NCOR1: variants seen among roughly 807,000 people sequenced by gnomAD.
The protein encoded by NCOR1 is nuclear receptor corepressor 1, also known as protein phosphatase 1, regulatory subunit 109.
Under a neutral mutation model 288.1 loss-of-function variants are expected in NCOR1, and 63 were observed. That is an observed-to-expected ratio of 0.22 (90% CI 0.18 to 0.27). The LOEUF (loss-of-function observed/expected upper bound fraction) is 0.27, where lower values mean the gene tolerates loss of function less well. Ranked by LOEUF, NCOR1 falls within the 10% of genes least tolerant of loss-of-function variation. The pLI, the probability that NCOR1 is intolerant of heterozygous loss-of-function variation, is 1.00. For synonymous variants in NCOR1, 1,007 were observed against 1,065.9 expected, an observed-to-expected ratio of 0.94 and a Z score of 1.08; for missense variants, 2,397 against 3,019.2, an observed-to-expected ratio of 0.79 and a Z score of 4.83.
At chr17:16,034,742 C>G in intron 45 of NCOR1, 23 bp downstream of exon 45, 3 of 1,577,822 alleles carry the variant, frequency 1.9e-6, no homozygotes, top group Non-Finnish European at 2.6e-6. Flanking sequence ...GTCTCATTTT[C>G]TAAGTTAAAG....
At position 16,070,439 on chromosome 17, in the gene NCOR1, T is replaced by C. The variant is rs759408580; in HGVS notation, c.4239A>G (p.Leu1413=). The C allele has an allele frequency of 8.7e-6, 14 of 1,614,096 alleles. No individual in the cohort carries two copies. In the South Asian group the frequency reaches 1.4e-4, roughly 16 times the overall value. The change falls in exon 31 of 46, where the codon CTA becomes CTG. Residue 1413 remains leucine, a synonymous_variant. Coordinates refer to ENST00000268712, the MANE Select transcript of NCOR1 (RefSeq NM_006311.4). ...VKSLITGPSK[L]SRGMPPLEIV... ...TTTCCAGCGGAGGCATTCCACGGGA[T>C]AGTTTGCTAGGCCCCGTGATTAAGG... is the stretch of plus-strand genomic sequence containing the variant.
chr17:16,184,532 G>A (rs770507191), intron 3 of NCOR1, among the ~76,000 whole-genome samples: 8 of 152,086 alleles, frequency 5.3e-5, no homozygotes, highest in Admixed American at 1.3e-4. Flanking sequence ...CACCCATTAG[G>A]ATGCCTATTA....
In NCOR1 at chr17:16,126,055, T is replaced by G. The variant is rs1007042639; in HGVS notation, c.1634+27A>C. On this transcript the variant is annotated intron_variant, in intron 15 of 45. Coordinates refer to ENST00000268712, the MANE Select transcript of NCOR1 (RefSeq NM_006311.4). ...ATAAAATAAAAATAAACATTTAACTTATTATATAACTAATTATTTAACTCA... is the reference window on the plus strand; with the variant it reads ...ATAAAATAAAAATAAACATTTAACTGATTATATAACTAATTATTTAACTCA... 2.9e-6 allele frequency: 3 copies of G among 1,041,514 alleles called. No individual in the cohort carries two copies. In the African/African-American group the frequency reaches 4.9e-5, roughly 17 times the overall value. 64.5% of individuals were successfully genotyped at this position (1,041,514 alleles called of 1,614,324 possible). A position where few individuals can be genotyped will look rare whatever the true frequency, so the allele number is the denominator to read the frequency against.
Position 16,126,142 on chromosome 17 carries a change from G to GT in NCOR1, c.1573dup (p.Thr525AsnfsTer11). ...TTTCTTTTCTTCTTCTTTTTTTTCTGTTTTTTCTGCTTTATCCTCTTCTTT... is the reference window on the plus strand; with the variant it reads ...TTTCTTTTCTTCTTCTTTTTTTTCTGTTTTTTTCTGCTTTATCCTCTTCTTT... On this transcript the variant is annotated frameshift_variant, in exon 15 of 46. Coordinates refer to ENST00000268712, the MANE Select transcript of NCOR1 (RefSeq NM_006311.4). LOFTEE classifies it high-confidence loss of function. 1 of 1,539,858 alleles carries GT rather than the reference G, an allele frequency of 6.5e-7. No individual in the cohort carries two copies. The highest frequency in any genetic ancestry group is 8.8e-7 in the Non-Finnish European group (1 of 1,140,992).
At chr17:16,080,771 G>A in intron 23 of NCOR1, 44 bp from the exon 24 acceptor site, 1 of 1,539,512 alleles carries the variant, frequency 6.5e-7, no homozygotes, top group Non-Finnish European at 8.8e-7. Context: ...AGCAAACATT[G>A]TTTTTTTCAC....
At chr17:16,054,809 G>A (rs766135412) in intron 40 of NCOR1, among the ~76,000 whole-genome samples, 6 of 152,126 alleles carry the variant, frequency 3.9e-5, no homozygotes, top group Non-Finnish European at 8.8e-5. Context: ...GCAGGAGCCT[G>A]TAATCCTAGC....
At position 16,127,127 on chromosome 17, in the gene NCOR1, ATG is replaced by A. The variant is rs1166107051; in HGVS notation, c.1510-923_1510-922del. On this transcript the variant is annotated intron_variant, in intron 14 of 45. Coordinates refer to ENST00000268712, the MANE Select transcript of NCOR1 (RefSeq NM_006311.4). Reference sequence around the variant, plus strand: ...TGTGTGTGTATATGTATATATCTGTATGTATATATACATGTATGTATATATCT... The same window carrying A: ...TGTGTGTGTATATGTATATATCTGTATATATATACATGTATGTATATATCT... Among the ~76,000 whole-genome samples, 13 of 131,562 alleles carry A rather than the reference ATG, an allele frequency of 9.9e-5. 4 individuals are homozygous for A. The highest frequency in any genetic ancestry group is 2.0e-4 in the Non-Finnish European group (13 of 64,198). 86.3% of individuals were successfully genotyped at this position (131,562 alleles called of 152,430 possible).
intron 21 of NCOR1, among the ~76,000 whole-genome samples, chr17:16,094,828 A>G (rs2066071458): frequency 6.6e-6 from 1 of 152,150 alleles, no homozygotes; most frequent in African/African-American, 2.4e-5. Context: ...CGGCATTCTG[A>G]GGTGCCGGGA....
At chr17:16,112,767 G>A (rs905517750) in intron 18 of NCOR1, among the ~76,000 whole-genome samples, 1 of 152,156 alleles carries the variant, frequency 6.6e-6, no homozygotes, top group African/African-American at 2.4e-5. Context: ...GGGATTAAAG[G>A]CGTGAGCCAC....
At chr17:16,083,202 C>T (rs2063664366) in intron 23 of NCOR1, among the ~76,000 whole-genome samples, 1 of 151,356 alleles carries the variant, frequency 6.6e-6, no homozygotes, top group African/African-American at 2.4e-5. Context: ...CACTGCACTC[C>T]AGCCTGGGCA....
chr17:16,157,263 G>C (rs968080308), intron 6 of NCOR1, among the ~76,000 whole-genome samples: 1 of 152,126 alleles, frequency 6.6e-6, no homozygotes, highest in East Asian at 1.9e-4. Context: ...TCCTTTACTG[G>C]ATTTATCTTC....
At chr17:16,175,600 T>C (rs1251115207) in intron 3 of NCOR1, among the ~76,000 whole-genome samples, 1 of 152,156 alleles carries the variant, frequency 6.6e-6, no homozygotes, top group African/African-American at 2.4e-5. Flanking sequence ...AATTTTCCTG[T>C]GCCCTGGTTG....
In NCOR1 at chr17:16,030,290, G is replaced by T; in HGVS notation, c.*2006C>A. The T allele has an allele frequency of 4.4e-6, 1 of 224,992 alleles. No homozygotes were observed. The highest frequency in any genetic ancestry group is 8.8e-6 in the Non-Finnish European group (1 of 113,030). The allele number at this position is 224,992 out of a possible 1,614,324, so 13.9% of individuals were successfully genotyped here. ...CTGAGGATGAGAAGGGGTTGGTCTTGCTATCTTGGGTGGCAGAGGTGGAAG... is the reference window on the plus strand; with the variant it reads ...CTGAGGATGAGAAGGGGTTGGTCTTTCTATCTTGGGTGGCAGAGGTGGAAG... On this transcript the variant is annotated 3_prime_UTR_variant, in exon 46 of 46. Transcript: ENST00000268712.
intron 11 of NCOR1, among the ~76,000 whole-genome samples, chr17:16,140,695 T>C (rs537207312): frequency 1.3e-5 from 2 of 152,214 alleles, no homozygotes; most frequent in African/African-American, 4.8e-5. Flanking sequence ...GTGCCTGTAG[T>C]CCCTGCTACT....
At position 16,061,480 on chromosome 17, in the gene NCOR1, G is replaced by A. The variant is rs1163146282; in HGVS notation, c.5802C>T (p.Asp1934=). ...AGGCAATTTGCCGGGTGATGATCAC[G>A]TCTATGAAGTTAGCTGCAGTAATGG... ...KTTITAANFI[D]VIITRQIASD... is the part of the protein sequence containing the mutation. Residue 1934 remains aspartate (D), a synonymous_variant, in exon 37 of 46, where the codon GAC becomes GAT. Coordinates refer to ENST00000268712, the MANE Select transcript of NCOR1 (RefSeq NM_006311.4). The A allele has an allele frequency of 2.5e-6, 4 of 1,614,222 alleles. No individual in the cohort carries two copies. Among genetic ancestry groups the A allele is most frequent in the East Asian group, 4.5e-5 (2 of 44,890 alleles).
chr17:16,113,562 C>A (rs927433229), intron 18 of NCOR1, among the ~76,000 whole-genome samples: 7 of 152,112 alleles, frequency 4.6e-5, no homozygotes, highest in Non-Finnish European at 8.8e-5. Flanking sequence ...AATATGAAAT[C>A]TTATACCATA....
chr17:16,117,531 A>C (rs1045730618), intron 18 of NCOR1, among the ~76,000 whole-genome samples: 14 of 151,420 alleles, frequency 9.2e-5, no homozygotes, highest in Non-Finnish European at 1.0e-4. Context: ...AAAAAAAAAA[A>C]AAACATCAAG....
In NCOR1 at chr17:16,098,349, C is replaced by T. The variant is rs1471777772; in HGVS notation, c.2820+18G>A. ...CAGTTTTTCATATTTAGTTTTCTTCCTCACAATAAAAACTTACCATTGGTG... is the reference window on the plus strand; with the variant it reads ...CAGTTTTTCATATTTAGTTTTCTTCTTCACAATAAAAACTTACCATTGGTG... On this transcript the variant is annotated intron_variant, in intron 21 of 45. Coordinates refer to ENST00000268712, the MANE Select transcript of NCOR1 (RefSeq NM_006311.4). 2 of 1,609,462 alleles carry T rather than the reference C, an allele frequency of 1.2e-6. No homozygotes were observed. Among genetic ancestry groups the T allele is most frequent in the Non-Finnish European group, 1.7e-6 (2 of 1,178,760 alleles).
chr17:16,152,443 GGT>G (rs2079026216), intron 7 of NCOR1, among the ~76,000 whole-genome samples: 1 of 152,076 alleles, frequency 6.6e-6, no homozygotes, highest in East Asian at 1.9e-4. Context: ...TCAGAATGAT[GGT>G]TTCCAGCTTC....
Sources: allele counts gnomAD v4.1 joint callset (sites outside exome capture counted in the v4.1 genomes callset), GRCh38; gene constraint gnomAD v4.1.1; transcripts MANE v1.5; gene names NCBI Gene and HGNC (gene_info 2026-07-23, HGNC 2026-07-21).